MTR: variants seen among roughly 807,000 people sequenced by gnomAD.
MTR encodes 5-methyltetrahydrofolate-homocysteine methyltransferase, also known as methionine synthase.
MTR carries 84 observed loss-of-function variants against 154.8 expected under a neutral mutation model. That is an observed-to-expected ratio of 0.54 (90% CI 0.45 to 0.65). The LOEUF is 0.65. MTR is among the 30% of genes least tolerant of loss of function. The pLI is 0.00. For synonymous variants in MTR, 554 were observed against 553.9 expected (o/e 1.00, Z 0.00); for missense variants, 1,275 against 1,570.2 (o/e 0.81, Z 3.18).
intron 13 of MTR, among the ~76,000 whole-genome samples, chr1:236,834,168 A>G (rs1458353801): frequency 6.6e-6 from 1 of 152,056 alleles, no homozygotes; most frequent in Non-Finnish European, 1.5e-5. Flanking sequence ...TTTTTGATTT[A>G]CTGACTTAAT....
chr1:236,884,656 C>T (rs1665920897), intron 25 of MTR, among the ~76,000 whole-genome samples: 2 of 152,156 alleles, frequency 1.3e-5, no homozygotes, highest in South Asian at 4.1e-4. Flanking sequence ...AGAAGCTTAC[C>T]TGAGCCTTCA....
At chr1:236,797,963 AAAAACAAAAC>A (rs1199164704) in intron 1 of MTR, among the ~76,000 whole-genome samples, 3 of 149,456 alleles carry the variant, frequency 2.0e-5, no homozygotes, top group Admixed American at 1.3e-4. Context: ...GTCTCCAAAA[AAAAACAAAAC>A]AAAACAAAAC....
At chr1:236,795,806 T>C in intron 1 of MTR, 69 bp downstream of exon 1, 1 of 1,609,678 alleles carries the variant, frequency 6.2e-7, no homozygotes, top group Non-Finnish European at 8.5e-7. Context: ...TCCTAATCCC[T>C]GGGGCGATTC....
intron 5 of MTR, 63 bp from the exon 6 acceptor site, chr1:236,812,675 T>TA: frequency 7.7e-7 from 1 of 1,303,666 alleles, no homozygotes. Context: ...ACACTCGAGA[T>TA]ACCCTAGGGC....
chr1:236,815,522 A>G (rs1272129934), intron 6 of MTR, 82 bp from the exon 7 acceptor site: 6 of 1,353,728 alleles, frequency 4.4e-6, no homozygotes, highest in Non-Finnish European at 1.1e-6. Context: ...GTCTTAGAAA[A>G]GGGTGCATTC....
At chr1:236,809,054 A>T (rs1400071583) in intron 4 of MTR, among the ~76,000 whole-genome samples, 1 of 152,162 alleles carries the variant, frequency 6.6e-6, no homozygotes, top group Non-Finnish European at 1.5e-5. Context: ...TTCCTTGTGT[A>T]TTTAGAGCTG....
intron 5 of MTR, chr1:236,811,537 G>A (rs1661303254): frequency 2.2e-6 from 1 of 453,878 alleles, no homozygotes; most frequent in Non-Finnish European, 4.4e-6. Flanking sequence ...AGCAAATATG[G>A]TTTGTAGGTT....
At chr1:236,847,319 C>T (rs764073766) in intron 15 of MTR, among the ~76,000 whole-genome samples, 1 of 152,230 alleles carries the variant, frequency 6.6e-6, no homozygotes, top group Non-Finnish European at 1.5e-5. Context: ...TGTTCGATCT[C>T]TGCTCCTTGT....
intron 8 of MTR, chr1:236,820,074 G>A (rs1661835137): frequency 6.4e-6 from 5 of 777,676 alleles, no homozygotes; most frequent in Non-Finnish European, 1.2e-5. Context: ...CTACCATTGC[G>A]CTGTGTAACA....
chr1:236,830,559 A>G (rs1386736687), intron 12 of MTR, among the ~76,000 whole-genome samples: 1 of 152,266 alleles, frequency 6.6e-6, no homozygotes, highest in Non-Finnish European at 1.5e-5. Context: ...TTGTTCTTTT[A>G]TAAATCACAA....
intron 20 of MTR, among the ~76,000 whole-genome samples, 173 bp from the exon 21 acceptor site, chr1:236,862,063 G>A (rs1432064324): frequency 6.6e-6 from 1 of 152,160 alleles, no homozygotes; most frequent in African/African-American, 2.4e-5. Flanking sequence ...ATTATTCACT[G>A]GCTTTCCCTC....
chr1:236,819,815 G>A lies in MTR; in HGVS notation c.764+3272G>A. The A allele has an allele frequency of 6.6e-6, 5 of 762,200 alleles. No homozygotes were observed. In the South Asian group the frequency reaches 6.7e-5, roughly 10 times the overall value. The allele number at this position is 762,200 out of a possible 1,614,324, so 47.2% of individuals were successfully genotyped here. A position where few individuals can be genotyped will look rare whatever the true frequency, so the allele number is the denominator to read the frequency against. ...AGAGGACCTGGGAGAAGCTACAGCTGGCGGCTTGTGCCATTGTTGCCATTA... is the reference window on the plus strand; with the variant it reads ...AGAGGACCTGGGAGAAGCTACAGCTAGCGGCTTGTGCCATTGTTGCCATTA... On this transcript the variant is annotated intron_variant, in intron 8 of 32. Transcript: ENST00000366577.
At chr1:236,821,267 GT>G (rs1191881744) in intron 8 of MTR, among the ~76,000 whole-genome samples, 2 of 152,186 alleles carry the variant, frequency 1.3e-5, no homozygotes, top group Non-Finnish European at 2.9e-5. Context: ...ATAACGACCC[GT>G]TCTTGAAAGA....
At chr1:236,816,118 A>G (rs572944689) in intron 7 of MTR, among the ~76,000 whole-genome samples, 23 of 152,344 alleles carry the variant, frequency 1.5e-4, no homozygotes, top group Admixed American at 3.9e-4. Context: ...CCAATGTTTA[A>G]CAGCAGGAGG....
chr1:236,808,747 C>T lies in MTR; in HGVS notation c.383C>T (p.Ala128Val). ...TGCTCTGCAGGAGTGGCCAGAAAAG[C>T]TGCCGAGGAGGTAACTCTCCAGACA... ...NMCSAGVARK[A>V]AEEVTLQTGI... Residue 128 changes from alanine to valine, a missense_variant, in exon 4 of 33, where the codon GCT (alanine) becomes GTT (valine). Coordinates refer to ENST00000366577, the MANE Select transcript of MTR (RefSeq NM_000254.3). The T allele has an allele frequency of 6.2e-7, 1 of 1,614,178 alleles. No homozygotes were observed.
At chr1:236,836,745 G>A (rs1327465067) in intron 14 of MTR, among the ~76,000 whole-genome samples, 1 of 152,126 alleles carries the variant, frequency 6.6e-6, no homozygotes, top group Non-Finnish European at 1.5e-5. Flanking sequence ...ATTCCTCTGG[G>A]AGTAAATATT....
intron 1 of MTR, among the ~76,000 whole-genome samples, chr1:236,796,204 T>C (rs1207900574): frequency 6.6e-6 from 1 of 152,250 alleles, no homozygotes; most frequent in East Asian, 1.9e-4. Context: ...TTTTATTTTC[T>C]GCTTCTACGC....
chr1:236,845,179 C>T (rs564968420), intron 15 of MTR, among the ~76,000 whole-genome samples: 1 of 152,340 alleles, frequency 6.6e-6, no homozygotes, highest in South Asian at 2.1e-4. Context: ...TATGTTTCCA[C>T]ATCCTGTGTT....
chr1:236,878,061 G>A (rs1665528328), intron 24 of MTR, among the ~76,000 whole-genome samples: 1 of 152,054 alleles, frequency 6.6e-6, no homozygotes, highest in Non-Finnish European at 1.5e-5. Flanking sequence ...ACATTCTTTA[G>A]TTTATAGTAG....
Sources: gnomAD v4.1 joint callset for allele counts (sites outside exome capture counted in the v4.1 genomes callset) on GRCh38, gnomAD v4.1.1 for gene constraint, MANE v1.5 for transcripts, NCBI Gene and HGNC (gene_info 2026-07-23, HGNC 2026-07-21) for gene names.